Variants in AGBL4 observed in about 807,000 individuals in gnomAD.
AGBL4 encodes AGBL carboxypeptidase 4.
Under a neutral mutation model 66.4 loss-of-function variants are expected in AGBL4, and 58 were observed. The ratio of observed to expected loss-of-function variants is 0.87; its 90% CI spans 0.71 to 1.09. The LOEUF (loss-of-function observed/expected upper bound fraction) is 1.09, where lower values mean the gene tolerates loss of function less well. AGBL4 is among the 50% of genes least tolerant of loss of function. The pLI is 0.00. For missense variants in AGBL4, 579 were observed against 631.0 expected, an observed-to-expected ratio of 0.92 and a Z score of 0.88; for synonymous variants, 234 against 222.9, an observed-to-expected ratio of 1.05 and a Z score of -0.44.
At chr1:49,948,568 T>TAGAG (rs1205762791) in intron 1 of AGBL4, among the ~76,000 whole-genome samples, 1,140 of 70,432 alleles carry the variant, frequency 0.016, 12 homozygotes, top group Non-Finnish European at 0.026. Flanking sequence ...TATAAAAATA[T>TAGAG]ATATATATAT....
At chr1:48,721,257 C>A (rs1647142242) in intron 6 of AGBL4, among the ~76,000 whole-genome samples, 1 of 152,052 alleles carries the variant, frequency 6.6e-6, no homozygotes, top group Non-Finnish European at 1.5e-5. Context: ...TGTAAGAGAC[C>A]CTCACAGTCC....
intron 3 of AGBL4, among the ~76,000 whole-genome samples, chr1:49,367,902 T>C (rs187848964): frequency 6.6e-6 from 1 of 152,234 alleles, no homozygotes; most frequent in Non-Finnish European, 1.5e-5. Flanking sequence ...CCATCTACAT[T>C]AAGTATTCAT....
intron 5 of AGBL4, among the ~76,000 whole-genome samples, chr1:48,894,638 G>A (rs972375570): frequency 2.6e-5 from 4 of 152,028 alleles, no homozygotes; most frequent in African/African-American, 7.2e-5. Context: ...AAAAAAGGTT[G>A]ATTATACATG....
intron 4 of AGBL4, among the ~76,000 whole-genome samples, chr1:49,129,797 A>G (rs1199940401): frequency 1.3e-5 from 2 of 152,278 alleles, no homozygotes; most frequent in East Asian, 3.9e-4. Flanking sequence ...TCTTTATAGC[A>G]GCATGATTTA....
At chr1:49,972,230 C>T (rs2148366006) in intron 1 of AGBL4, among the ~76,000 whole-genome samples, 1 of 151,832 alleles carries the variant, frequency 6.6e-6, no homozygotes, top group East Asian at 1.9e-4. Context: ...TTTTTAGATG[C>T]ATATATTGCC....
intron 6 of AGBL4, among the ~76,000 whole-genome samples, chr1:48,678,248 G>A (rs1026534304): frequency 6.6e-6 from 1 of 150,818 alleles, no homozygotes; most frequent in Non-Finnish European, 1.5e-5. Flanking sequence ...CCGCCCTTCT[G>A]CCCCACCTTT....
chr1:49,081,795 C>T (rs1212478045), intron 4 of AGBL4, among the ~76,000 whole-genome samples: 1 of 152,184 alleles, frequency 6.6e-6, no homozygotes, highest in Admixed American at 6.5e-5. Flanking sequence ...AGAAAAGAAA[C>T]CATTCCCAAT....
At chr1:49,719,297 T>C (rs1648408037) in intron 2 of AGBL4, among the ~76,000 whole-genome samples, 3 of 152,164 alleles carry the variant, frequency 2.0e-5, no homozygotes, top group Admixed American at 2.0e-4. Context: ...ATTCCCACAA[T>C]AACTGGACTT....
At chr1:49,090,084 A>G (rs988929355) in intron 4 of AGBL4, among the ~76,000 whole-genome samples, 2 of 152,142 alleles carry the variant, frequency 1.3e-5, no homozygotes, top group Admixed American at 6.6e-5. Flanking sequence ...CTGAAGGAAC[A>G]TACCTCAAAA....
At chr1:49,472,847 G>A (rs755537175) in intron 3 of AGBL4, among the ~76,000 whole-genome samples, 3 of 151,872 alleles carry the variant, frequency 2.0e-5, no homozygotes, top group Non-Finnish European at 2.9e-5. Context: ...AATCCCCAGT[G>A]TTTATTGTTC....
chr1:49,250,342 T>G (rs550783403), intron 3 of AGBL4, among the ~76,000 whole-genome samples: 113 of 151,494 alleles, frequency 7.5e-4, no homozygotes, highest in African/African-American at 2.6e-3. Flanking sequence ...TTTAAACAGA[T>G]CTTTAGAGGC....
chr1:48,595,680 A>T (rs1644983850), intron 9 of AGBL4, among the ~76,000 whole-genome samples: 1 of 152,210 alleles, frequency 6.6e-6, no homozygotes, highest in African/African-American at 2.4e-5. Context: ...TAAAATTAAA[A>T]CTACTTTGGG....
chr1:49,760,215 A>T (rs1453973544), intron 2 of AGBL4, among the ~76,000 whole-genome samples: 1 of 152,134 alleles, frequency 6.6e-6, no homozygotes, highest in Non-Finnish European at 1.5e-5. Context: ...AGATGGGTAG[A>T]TTGCAAAAAT....
chr1:49,167,808 TG>T (rs1646661364), intron 4 of AGBL4, among the ~76,000 whole-genome samples: 1 of 152,254 alleles, frequency 6.6e-6, no homozygotes, highest in Non-Finnish European at 1.5e-5. Flanking sequence ...TCTCATCATC[TG>T]TCTGCACATG....
chr1:49,878,678 A>C (rs370095442), intron 1 of AGBL4, among the ~76,000 whole-genome samples: 30 of 151,344 alleles, frequency 2.0e-4, no homozygotes, highest in Non-Finnish European at 4.3e-4. Flanking sequence ...TATTAGGTCC[A>C]CTTGGTGCAG....
intron 4 of AGBL4, among the ~76,000 whole-genome samples, chr1:49,218,225 T>A (rs1259054368): frequency 6.6e-6 from 1 of 151,996 alleles, no homozygotes; most frequent in Non-Finnish European, 1.5e-5. Flanking sequence ...CAGATTGAGC[T>A]TTAGAGGCAG....
intron 1 of AGBL4, among the ~76,000 whole-genome samples, chr1:50,002,676 G>A (rs544980559): frequency 3.9e-5 from 6 of 152,216 alleles, no homozygotes; most frequent in African/African-American, 1.4e-4. Context: ...GCCAGCCCTA[G>A]TTCTTATACA....
chr1:49,930,178 A>C (rs1349157936), intron 1 of AGBL4, among the ~76,000 whole-genome samples: 1 of 152,134 alleles, frequency 6.6e-6, no homozygotes, highest in Non-Finnish European at 1.5e-5. Context: ...AGGAAACATT[A>C]TGAACAACTT....
intron 1 of AGBL4, among the ~76,000 whole-genome samples, chr1:49,877,619 T>C (rs527721951): frequency 3.1e-4 from 47 of 152,206 alleles, no homozygotes; most frequent in Admixed American, 1.1e-3. Flanking sequence ...TCTAAAATTC[T>C]CTTTTTTGGT....
Sources: gnomAD v4.1 joint callset for allele counts (sites outside exome capture counted in the v4.1 genomes callset) on GRCh38, gnomAD v4.1.1 for gene constraint, MANE v1.5 for transcripts, NCBI Gene and HGNC (gene_info 2026-07-23, HGNC 2026-07-21) for gene names.